Variants in KCND3 observed in about 807,000 individuals in gnomAD.
KCND3 encodes the protein potassium voltage-gated channel subfamily D member 3, also known as A-type voltage-gated potassium channel KCND3.
In KCND3, 9 loss-of-function variants were observed where a neutral mutation model predicts 51.1. The observed-to-expected ratio is 0.18, with a 90% CI of 0.11 to 0.31. The LOEUF is 0.31. KCND3 is among the 10% of genes least tolerant of loss of function. The pLI is 1.00. For synonymous variants in KCND3, 349 were observed against 368.0 expected, an observed-to-expected ratio of 0.95 and a Z score of 0.59; for missense variants, 526 against 903.8, an observed-to-expected ratio of 0.58 and a Z score of 5.36.
intron 2 of KCND3, among the ~76,000 whole-genome samples, chr1:111,855,093 T>C (rs1191464336): frequency 6.6e-6 from 1 of 152,184 alleles, no homozygotes; most frequent in Non-Finnish European, 1.5e-5. Context: ...CACCACCCCC[T>C]GGGGTCCACT....
At chr1:111,952,450 T>C (rs995203948) in intron 2 of KCND3, among the ~76,000 whole-genome samples, 17 of 152,164 alleles carry the variant, frequency 1.1e-4, no homozygotes, top group Non-Finnish European at 2.2e-4. Context: ...TGGGGCAACT[T>C]TGACAGAGTG....
In KCND3 at chr1:111,981,868, C is replaced by T; in HGVS notation, c.859G>A (p.Val287Ile). 2 of 1,613,932 alleles carry T rather than the reference C, an allele frequency of 1.2e-6. No individual in the cohort carries two copies. ...TNNEDVSGAFVTLRVFRVFRI... is the reference protein window; with the variant it reads ...TNNEDVSGAFITLRVFRVFRI... ...AAGACGCGGAAGACCCGGAGCGTGA[C>T]GAAGGCGCCGGACACGTCCTCGTTG... is the stretch of plus-strand genomic sequence containing the variant. The change falls in exon 2 of 8, where the codon GTC becomes ATC. Residue 287 changes from valine (V) to isoleucine (I), a missense_variant. Val to Ile is a conservative substitution (Grantham distance 29). Transcript: ENST00000302127. The surrounding 1 kb of genome is among the most constrained non-coding windows in gnomAD (Gnocchi z 6.2).
chr1:111,873,261 T>G (rs1309382685), intron 2 of KCND3, among the ~76,000 whole-genome samples: 1 of 152,190 alleles, frequency 6.6e-6, no homozygotes, highest in African/African-American at 2.4e-5. Flanking sequence ...GTACAAAGGA[T>G]GAAGCACTCA....
chr1:111,960,959 C>T (rs1673619198), intron 2 of KCND3, among the ~76,000 whole-genome samples: 2 of 152,172 alleles, frequency 1.3e-5, no homozygotes, highest in Non-Finnish European at 2.9e-5. Context: ...GAAGACCTCT[C>T]TTGGTGGTGC....
At chr1:111,881,053 G>C (rs535199595) in intron 2 of KCND3, among the ~76,000 whole-genome samples, 16 of 152,262 alleles carry the variant, frequency 1.1e-4, no homozygotes, top group African/African-American at 3.6e-4. Flanking sequence ...CATCTCAGCT[G>C]CTGGCTCTGT....
intron 2 of KCND3, among the ~76,000 whole-genome samples, chr1:111,946,235 G>A (rs1443984307): frequency 6.6e-6 from 1 of 152,234 alleles, no homozygotes; most frequent in Admixed American, 6.5e-5. Flanking sequence ...AATGTCCTGT[G>A]TGCATAGGGA....
chr1:111,816,237 C>T (rs1666085085), intron 2 of KCND3, among the ~76,000 whole-genome samples: 2 of 152,226 alleles, frequency 1.3e-5, no homozygotes, highest in Admixed American at 1.3e-4. Context: ...GCACTGGAGC[C>T]TCTCACTCCC....
In KCND3 at chr1:111,806,598, C is replaced by T. The variant is rs1478381421; in HGVS notation, c.1107-19492G>A. 2.0e-5 allele frequency among the ~76,000 whole-genome samples: 3 copies of T among 152,178 alleles called. No individual in the cohort carries two copies. In the East Asian group the frequency reaches 5.8e-4, roughly 29 times the overall value. ...GATATCCACTTCCAGTAATGTAAAA[C>T]TAAGCAGTTTGAATAAACCCTTCTG... On this transcript the variant is annotated intron_variant, in intron 2 of 7. Transcript: ENST00000302127.
At chr1:111,804,363 T>C (rs994084165) in intron 2 of KCND3, among the ~76,000 whole-genome samples, 3 of 152,236 alleles carry the variant, frequency 2.0e-5, no homozygotes, top group African/African-American at 7.2e-5. Context: ...GACCCATCTG[T>C]CAGCCTTCCC....
intron 2 of KCND3, among the ~76,000 whole-genome samples, chr1:111,885,105 C>T (rs1669508182): frequency 6.6e-6 from 1 of 152,100 alleles, no homozygotes; most frequent in Admixed American, 6.5e-5. Flanking sequence ...CAGGAAGCTT[C>T]TCTACACCTA....
At position 111,771,590 on chromosome 1, in the gene KCND3, A is replaced by C. The variant is rs1308612379; in HGVS notation, c.*4487T>G. The C allele has an allele frequency of 6.6e-6, 1 of 152,214 alleles. No homozygotes were observed. The highest frequency in any genetic ancestry group is 2.4e-5 in the African/African-American group (1 of 41,452). 9.4% of individuals were successfully genotyped at this position (152,214 alleles called of 1,614,324 possible). On this transcript the variant is annotated 3_prime_UTR_variant, in exon 8 of 8. Coordinates refer to ENST00000302127, the MANE Select transcript of KCND3 (RefSeq NM_001378969.1). ...CCACTTCCTCTGCAAAACTTAAGGA[A>C]AAACTCTTAAGTACATAATGTCCCA...
intron 2 of KCND3, among the ~76,000 whole-genome samples, chr1:111,913,613 G>A (rs987564743): frequency 1.3e-5 from 2 of 152,142 alleles, no homozygotes; most frequent in South Asian, 2.1e-4. Context: ...AACTATGTCT[G>A]GCATCTAATA....
chr1:111,817,118 C>T (rs999350570), intron 2 of KCND3, among the ~76,000 whole-genome samples: 4 of 151,108 alleles, frequency 2.6e-5, no homozygotes, highest in Admixed American at 6.6e-5. Flanking sequence ...TATGCAGTCT[C>T]GATGTTTTTT....
chr1:111,938,500 T>C (rs553104994), intron 2 of KCND3, among the ~76,000 whole-genome samples: 1 of 152,258 alleles, frequency 6.6e-6, no homozygotes, highest in African/African-American at 2.4e-5. Context: ...AGAAAAACTA[T>C]GTCAGATGGT....
intron 2 of KCND3, among the ~76,000 whole-genome samples, chr1:111,804,257 C>T (rs989247491): frequency 2.0e-5 from 3 of 152,266 alleles, no homozygotes; most frequent in African/African-American, 7.2e-5. Context: ...GCCCTGGCAG[C>T]ATGCTCTCCT....
intron 3 of KCND3, among the ~76,000 whole-genome samples, chr1:111,781,557 T>G (rs1443650348): frequency 6.6e-6 from 1 of 152,222 alleles, no homozygotes; most frequent in East Asian, 1.9e-4. Context: ...AGTCTCGCTG[T>G]CACCCAGGCT....
At chr1:111,797,125 T>C (rs1665089312) in intron 2 of KCND3, among the ~76,000 whole-genome samples, 1 of 152,222 alleles carries the variant, frequency 6.6e-6, no homozygotes, top group Non-Finnish European at 1.5e-5. Flanking sequence ...AGATTTCTGA[T>C]CCTGTAGCTC....
intron 2 of KCND3, among the ~76,000 whole-genome samples, chr1:111,813,412 AG>A (rs1452538271): frequency 6.6e-6 from 1 of 152,238 alleles, no homozygotes; most frequent in East Asian, 1.9e-4. Flanking sequence ...GCTGAAGCCA[AG>A]TCTCTTCTCC....
At chr1:111,959,793 GA>G (rs1423371081) in intron 2 of KCND3, among the ~76,000 whole-genome samples, 2 of 152,150 alleles carry the variant, frequency 1.3e-5, no homozygotes, top group East Asian at 3.9e-4. Flanking sequence ...AGTTCACAGT[GA>G]AATGGTCTCA....
Sources: allele counts gnomAD v4.1 joint callset (sites outside exome capture counted in the v4.1 genomes callset), GRCh38; gene constraint gnomAD v4.1.1; non-coding constraint Gnocchi (gnomAD v3.1); transcripts MANE v1.5; gene names NCBI Gene and HGNC (gene_info 2026-07-23, HGNC 2026-07-21).